Variants in FOXP2 observed in about 807,000 individuals in gnomAD.
The protein encoded by FOXP2 is forkhead box P2.
A neutral mutation model predicts 115.8 loss-of-function variants in FOXP2; 12 were observed. That is an observed-to-expected ratio of 0.10 (90% CI 0.07 to 0.17). FOXP2 has a LOEUF of 0.17. Among genes scored for constraint, FOXP2 ranks in the 10% least tolerant of loss-of-function variants. The probability of loss-of-function intolerance (pLI) is 1.00; values close to 1 mark genes in which losing one functional copy is unlikely to be tolerated. For synonymous variants in FOXP2, 328 were observed against 297.7 expected, an observed-to-expected ratio of 1.10 and a Z score of -1.05; for missense variants, 629 against 843.5, an observed-to-expected ratio of 0.75 and a Z score of 3.15.
chr7:114,396,115 T>C (rs1283108064), intron 2 of FOXP2, among the ~76,000 whole-genome samples: 1 of 152,068 alleles, frequency 6.6e-6, no homozygotes, highest in Non-Finnish European at 1.5e-5. Flanking sequence ...ATTTATTATT[T>C]CTATTTTTTT....
intron 1 of FOXP2, among the ~76,000 whole-genome samples, chr7:114,144,512 C>T (rs1792310836): frequency 6.6e-6 from 1 of 151,892 alleles, no homozygotes; most frequent in South Asian, 2.1e-4. Flanking sequence ...GTATTTAAAC[C>T]TCAAGCAGTT....
intron 2 of FOXP2, among the ~76,000 whole-genome samples, chr7:114,518,652 G>A (rs1214453192): frequency 6.6e-6 from 1 of 152,026 alleles, no homozygotes; most frequent in Non-Finnish European, 1.5e-5. Flanking sequence ...ACAGGCATGG[G>A]CCACCATGCC....
At chr7:114,323,085 T>C (rs1354500699) in intron 2 of FOXP2, among the ~76,000 whole-genome samples, 1 of 152,198 alleles carries the variant, frequency 6.6e-6, no homozygotes, top group Non-Finnish European at 1.5e-5. Context: ...GGTATTTGTA[T>C]ATATCAAGGC....
At chr7:114,192,976 T>C (rs1199504517) in intron 1 of FOXP2, among the ~76,000 whole-genome samples, 1 of 152,166 alleles carries the variant, frequency 6.6e-6, no homozygotes, top group Non-Finnish European at 1.5e-5. Flanking sequence ...TAAACACCTA[T>C]GGTCCTTGAT....
At chr7:114,598,367 A>G (rs1444370312) in intron 3 of FOXP2, among the ~76,000 whole-genome samples, 1 of 152,118 alleles carries the variant, frequency 6.6e-6, no homozygotes, top group African/African-American at 2.4e-5. Flanking sequence ...TTAGTGATAT[A>G]TCTTTTGATG....
intron 2 of FOXP2, among the ~76,000 whole-genome samples, chr7:114,374,616 G>C (rs766654492): frequency 6.6e-6 from 1 of 152,118 alleles, no homozygotes; most frequent in African/African-American, 2.4e-5. Flanking sequence ...AGGAATTCCC[G>C]TGGCCATCTC....
intron 1 of FOXP2, among the ~76,000 whole-genome samples, chr7:114,220,939 G>T (rs1528092): frequency 0.018 from 2,724 of 152,164 alleles, 91 homozygotes; most frequent in African/African-American, 0.061. Context: ...GGTATTGTTT[G>T]ATTATCTTTG....
intron 3 of FOXP2, among the ~76,000 whole-genome samples, chr7:114,564,114 G>A (rs886084718): frequency 6.6e-6 from 1 of 152,086 alleles, no homozygotes; most frequent in African/African-American, 2.4e-5. Flanking sequence ...TTCCTGATCT[G>A]CAAAACTCTT....
intron 1 of FOXP2, among the ~76,000 whole-genome samples, chr7:114,221,205 T>G (rs1025054001): frequency 1.3e-4 from 20 of 152,208 alleles, no homozygotes; most frequent in African/African-American, 4.8e-4. Context: ...ATTTTGACAC[T>G]AAGCCTTTGA....
At chr7:114,343,065 C>T (rs1250830479) in intron 2 of FOXP2, among the ~76,000 whole-genome samples, 2 of 151,530 alleles carry the variant, frequency 1.3e-5, no homozygotes, top group African/African-American at 4.8e-5. Flanking sequence ...TGGGGATTAG[C>T]AAGTATTGTT....
chr7:114,349,425 A>G (rs146970875), intron 2 of FOXP2, among the ~76,000 whole-genome samples: 62 of 152,212 alleles, frequency 4.1e-4, no homozygotes, highest in African/African-American at 1.3e-3. Context: ...AAACCAAGGA[A>G]TTGGTGAAGG....
intron 1 of FOXP2, among the ~76,000 whole-genome samples, chr7:114,122,405 T>C (rs1368928927): frequency 6.6e-6 from 1 of 151,888 alleles, no homozygotes; most frequent in Non-Finnish European, 1.5e-5. Context: ...TTTTCTTTTT[T>C]TTTTTTTCCT....
intron 2 of FOXP2, among the ~76,000 whole-genome samples, chr7:114,336,907 C>T (rs1055999243): frequency 7.3e-5 from 11 of 151,448 alleles, no homozygotes; most frequent in Admixed American, 2.6e-4. Flanking sequence ...AAATTTCACA[C>T]AAAAGGAATT....
chr7:114,570,753 C>G (rs1801258640), intron 3 of FOXP2: 1 of 1,314,098 alleles, frequency 7.6e-7, no homozygotes, highest in Admixed American at 1.7e-5. Flanking sequence ...GTTATTAGCA[C>G]AAGCCTTAAG....
intron 10 of FOXP2, among the ~76,000 whole-genome samples, chr7:114,657,047 A>C (rs967181185): frequency 2.0e-5 from 3 of 152,164 alleles, no homozygotes; most frequent in Admixed American, 2.0e-4. Context: ...CTACTGTATA[A>C]AGTAAAAAGG....
At chr7:114,254,670 T>G (rs2129170146) in intron 1 of FOXP2, among the ~76,000 whole-genome samples, 1 of 152,306 alleles carries the variant, frequency 6.6e-6, no homozygotes, top group Non-Finnish European at 1.5e-5. Flanking sequence ...TTCCCTACAC[T>G]GGTTATTCTA....
intron 2 of FOXP2, among the ~76,000 whole-genome samples, chr7:114,532,046 T>C (rs373967352): frequency 1.5e-4 from 23 of 151,920 alleles, no homozygotes; most frequent in African/African-American, 5.6e-4. Flanking sequence ...GTGACTTCAA[T>C]CAACTCATCC....
intron 1 of FOXP2, among the ~76,000 whole-genome samples, chr7:114,237,471 G>T (rs552060803): frequency 7.0e-4 from 106 of 152,252 alleles, no homozygotes; most frequent in African/African-American, 2.4e-3. Flanking sequence ...GCCATGCATT[G>T]TAATATACAA....
intron 2 of FOXP2, among the ~76,000 whole-genome samples, chr7:114,291,390 G>A (rs984077648): frequency 1.4e-4 from 22 of 152,180 alleles, no homozygotes; most frequent in African/African-American, 5.1e-4. Flanking sequence ...TTTTAACATA[G>A]GAATTTGGGG....
Sources: gnomAD v4.1 joint callset for allele counts (sites outside exome capture counted in the v4.1 genomes callset) on GRCh38, gnomAD v4.1.1 for gene constraint, MANE v1.5 for transcripts, NCBI Gene and HGNC (gene_info 2026-07-23, HGNC 2026-07-21) for gene names.